EIF3A: variants seen among roughly 807,000 people sequenced by gnomAD.
EIF3A encodes eukaryotic translation initiation factor 3 subunit A.
EIF3A carries 21 observed loss-of-function variants against 186.6 expected under a neutral mutation model. The ratio of observed to expected loss-of-function variants is 0.11; its 90% confidence interval spans 0.08 to 0.16. EIF3A has a LOEUF of 0.16. Among genes scored for constraint, EIF3A ranks in the 10% least tolerant of loss-of-function variants. EIF3A has a pLI of 1.00. For synonymous variants in EIF3A, 563 were observed against 584.3 expected, an observed-to-expected ratio of 0.96 and a Z score of 0.52; for missense variants, 1,306 against 1,796.3, an observed-to-expected ratio of 0.73 and a Z score of 4.93.
Position 119,073,924 on chromosome 10 carries a change from A to G in EIF3A, c.63T>C (p.Val21=), listed in dbSNP as rs1160442984. The change falls in exon 2 of 22, where the codon GTT becomes GTC. Residue 21 remains valine (V), a synonymous_variant. Coordinates refer to ENST00000369144, the MANE Select transcript of EIF3A (RefSeq NM_003750.4). ...ALKRANEFLE[V]GKKQPALDVL... Reference sequence around the variant, plus strand: ...CATCCAGAGCAGGCTGCTTTTTGCCAACCTCAAGAAATTCTGAAAAATTCA... The same window carrying G: ...CATCCAGAGCAGGCTGCTTTTTGCCGACCTCAAGAAATTCTGAAAAATTCA... 6.3e-7 allele frequency: 1 copy of G among 1,593,024 alleles called. No homozygotes were observed. The highest frequency in any genetic ancestry group is 1.4e-5 in the African/African-American group (1 of 73,696).
At chr10:119,063,015 CA>C (rs1275371962) in intron 7 of EIF3A, among the ~76,000 whole-genome samples, 2 of 152,010 alleles carry the variant, frequency 1.3e-5, no homozygotes, top group Non-Finnish European at 2.9e-5. Context: ...CTTGGCCTCC[CA>C]AAGTGCTAGG....
In EIF3A at chr10:119,059,378, G is replaced by C. The variant is rs372799903; in HGVS notation, c.1463C>G (p.Ser488Cys). ...ATCAGATCCAAAACTCAGGGTCCGA[G>C]AAGTGTGATCAATACGAACCTTTGA... is the stretch of plus-strand genomic sequence containing the variant. ...CDLQVRIDHT[S>C]RTLSFGSDLN... The change falls in exon 11 of 22, where the codon TCT (serine) becomes TGT (cysteine). Residue 488 changes from serine (S) to cysteine (C), a missense_variant. Around this residue, in one of 8 missense-constraint regions of EIF3A, gnomAD observed 267 missense variants for 367.8 expected, o/e 0.73. Transcript: ENST00000369144. 1.9e-6 allele frequency: 3 copies of C among 1,599,010 alleles called. No individual in the cohort carries two copies. The highest frequency in any genetic ancestry group is 2.6e-6 in the Non-Finnish European group (3 of 1,173,604).
chr10:119,059,391 T>A lies in EIF3A; in HGVS notation c.1450A>T (p.Ile484Phe). 6.4e-7 allele frequency: 1 copy of A among 1,561,072 alleles called. No individual in the cohort carries two copies. The highest frequency in any genetic ancestry group is 8.7e-7 in the Non-Finnish European group (1 of 1,155,410). ...CTCAGGGTCCGAGAAGTGTGATCAA[T>A]ACGAACCTTTGAAAATTAAATTATC... is the stretch of plus-strand genomic sequence containing the variant. ...AARHCDLQVR[I>F]DHTSRTLSFG... Residue 484 changes from isoleucine to phenylalanine, a missense_variant, in exon 11 of 22, where the codon ATT becomes TTT. By Grantham distance (21) the Ile-to-Phe change is conservative (BLOSUM62 0). This residue lies in a region of EIF3A where 267 missense variants were observed against 367.8 expected (regional missense o/e 0.73). Coordinates refer to ENST00000369144, the MANE Select transcript of EIF3A (RefSeq NM_003750.4).
At chr10:119,063,779 A>C (rs12263721) in intron 7 of EIF3A, among the ~76,000 whole-genome samples, 2,203 of 152,238 alleles carry the variant, frequency 0.014, 60 homozygotes, top group African/African-American at 0.048. Context: ...CATCAATGCG[A>C]AACACTAAAA....
At chr10:119,066,419 G>C (rs1396128609) in intron 6 of EIF3A, among the ~76,000 whole-genome samples, 1 of 143,574 alleles carries the variant, frequency 7.0e-6, no homozygotes, top group Non-Finnish European at 1.5e-5. Flanking sequence ...TGAGGCAGGA[G>C]AATCAGTTGA....
intron 17 of EIF3A, among the ~76,000 whole-genome samples, chr10:119,045,918 C>T (rs1374764273): frequency 6.6e-6 from 1 of 152,160 alleles, no homozygotes; most frequent in Non-Finnish European, 1.5e-5. Flanking sequence ...CAAACTGAAC[C>T]ACGATCTCAG....
chr10:119,057,570 T>C (rs1051212700), intron 12 of EIF3A, among the ~76,000 whole-genome samples: 2 of 151,362 alleles, frequency 1.3e-5, no homozygotes, highest in African/African-American at 4.9e-5. Context: ...AGGTCAGGAG[T>C]TCAAGACCAG....
At chr10:119,076,681 C>T (rs1011458828) in intron 1 of EIF3A, among the ~76,000 whole-genome samples, 1 of 151,770 alleles carries the variant, frequency 6.6e-6, no homozygotes, top group African/African-American at 2.4e-5. Context: ...TTGGCTCACA[C>T]CTATAATCCT....
At chr10:119,055,130 C>G (rs1438306851) in intron 14 of EIF3A, among the ~76,000 whole-genome samples, 1 of 152,058 alleles carries the variant, frequency 6.6e-6, no homozygotes, top group Non-Finnish European at 1.5e-5. Context: ...ATCACTTGAA[C>G]CCGGCGGGGG....
chr10:119,077,192 C>G (rs770412259), intron 1 of EIF3A, among the ~76,000 whole-genome samples: 3 of 152,050 alleles, frequency 2.0e-5, no homozygotes, highest in Non-Finnish European at 4.4e-5. Context: ...TAGCCAGGCG[C>G]GGTGGCTCAC....
rs1370920429 is a variant in EIF3A, at chr10:119,035,202, T to C, written c.*837A>G. The C allele has an allele frequency of 6.6e-6, 1 of 152,156 alleles. No individual in the cohort carries two copies. Among genetic ancestry groups the C allele is most frequent in the African/African-American group, 2.4e-5 (1 of 41,280 alleles). 9.4% of individuals were successfully genotyped at this position (152,156 alleles called of 1,614,324 possible). On this transcript the variant is annotated 3_prime_UTR_variant, in exon 22 of 22. Transcript: ENST00000369144. ...ACAAATTACTTGTTGAAAGAATCTA[T>C]CTTCAAAAGAAAGAAAATTAGGAAA...
Position 119,070,916 on chromosome 10 carries a change from C to T in EIF3A, c.711G>A (p.Leu237=). Residue 237 remains leucine, a synonymous_variant, in exon 5 of 22, where the codon CTG becomes CTA. Transcript: ENST00000369144. ...SMHLETRLVQ[L]DSAISMELWQ... is the part of the protein sequence containing the mutation. ...ACAATTCCATGCTGATAGCACTGTC[C>T]AGCTGAACAAGTCTGGTTTCCAAAT... The T allele has an allele frequency of 6.2e-7, 1 of 1,613,724 alleles. No homozygotes were observed.
In EIF3A at chr10:119,052,400, T is replaced by TGTGTGTGTGTGTGTGTGTGTGTGTGTG. The variant is rs1564752662; in HGVS notation, c.2197-1080_2197-1079insCACACACACACACACACACACACACAC. ...TGTGTGTGTGTGTGTGTGTGTGTGT[T>TGTGTGTGTGTGTGTGTGTGTGTGTGTG]TTAAGACAGGGTCTGTCTCTGTCAC... is the stretch of plus-strand genomic sequence containing the variant. On this transcript the variant is annotated intron_variant, in intron 14 of 21. Coordinates refer to ENST00000369144, the MANE Select transcript of EIF3A (RefSeq NM_003750.4). Among the ~76,000 whole-genome samples, 15 of 19,884 alleles carry TGTGTGTGTGTGTGTGTGTGTGTGTGTG rather than the reference T, an allele frequency of 7.5e-4. 1 individual carries two copies. Among genetic ancestry groups the TGTGTGTGTGTGTGTGTGTGTGTGTGTG allele is most frequent in the African/African-American group, 1.7e-3 (15 of 8,828 alleles). The allele number at this position is 19,884 out of a possible 152,430, so 13.0% of individuals were successfully genotyped here. A position where few individuals can be genotyped will look rare whatever the true frequency, so the allele number is the denominator to read the frequency against.
At chr10:119,051,156 G>T in intron 15 of EIF3A, 43 bp downstream of exon 15, 1 of 1,563,928 alleles carries the variant, frequency 6.4e-7, no homozygotes, top group Admixed American at 2.0e-5. Flanking sequence ...GCCAATACTA[G>T]AAAGCTCATG....
chr10:119,069,371 C>T (rs1533111), intron 6 of EIF3A, 75 bp downstream of exon 6: 31,763 of 796,068 alleles, frequency 0.04, 1,470 homozygotes, highest in African/African-American at 0.19. Flanking sequence ...AAACCATGGC[C>T]TAAAATATAC....
At position 119,069,488 on chromosome 10, in the gene EIF3A, G is replaced by C; in HGVS notation, c.908C>G (p.Ser303Cys). Residue 303 changes from serine (S) to cysteine (C), a missense_variant, in exon 6 of 22, where the codon TCT (serine) becomes TGT (cysteine). Ser to Cys is a moderately radical substitution (Grantham distance 112, BLOSUM62 -1). Transcript: ENST00000369144. ...TGTGAGATTCTTTCTCATTTCTCTA[G>C]AGAGATGGTAAAGACGATGGAGTGT... ...ASTLHRLYHL[S>C]REMRKNLTQD... 6.3e-7 allele frequency: 1 copy of C among 1,577,402 alleles called. No individual in the cohort carries two copies. Among genetic ancestry groups the C allele is most frequent in the South Asian group, 1.1e-5 (1 of 90,286 alleles).
chr10:119,051,496 G>C (rs1392198367), intron 14 of EIF3A, among the ~76,000 whole-genome samples, 175 bp from the exon 15 acceptor site: 1 of 151,912 alleles, frequency 6.6e-6, no homozygotes. Context: ...AGGCAATTAC[G>C]GGCAAGAGGT....
intron 1 of EIF3A, among the ~76,000 whole-genome samples, chr10:119,075,033 G>C (rs1412682767): frequency 2.1e-5 from 3 of 141,844 alleles, no homozygotes; most frequent in African/African-American, 7.9e-5. Flanking sequence ...CCAGGCTGGA[G>C]TACACTGGCG....
rs1200261877 is a variant in EIF3A at position 119,066,855 on chromosome 10, C to T, written c.951-1285G>A. On this transcript the variant is annotated intron_variant, in intron 6 of 21. Coordinates refer to ENST00000369144, the MANE Select transcript of EIF3A (RefSeq NM_003750.4). ...TAAGAGCTAGACAGCCTAATGCTCA[C>T]TATTATTGTAGTACTCTCTGAAGGC... 3.9e-5 allele frequency among the ~76,000 whole-genome samples: 6 copies of T among 152,142 alleles called. No individual in the cohort carries two copies. In the East Asian group the frequency reaches 1.2e-3, roughly 29 times the overall value.
Sources: gnomAD v4.1 joint callset for allele counts (sites outside exome capture counted in the v4.1 genomes callset) on GRCh38, gnomAD v4.1.1 for gene constraint, gnomAD v4.1.1 regional missense constraint, MANE v1.5 for transcripts, NCBI Gene and HGNC (gene_info 2026-07-23, HGNC 2026-07-21) for gene names.